The following HCLS1 variants were observed in gnomAD, a reference collection of about 807,000 sequenced individuals.
The protein encoded by HCLS1 is hematopoietic lineage cell-specific protein.
In HCLS1, 44 loss-of-function variants were observed where a neutral mutation model predicts 68.6. That is an observed-to-expected ratio of 0.64 (90% confidence interval 0.50 to 0.82). The LOEUF (loss-of-function observed/expected upper bound fraction) is 0.82. Ranked by LOEUF, HCLS1 falls within the 40% of genes least tolerant of loss-of-function variation. HCLS1 has a pLI of 0.00. For synonymous variants in HCLS1, 217 were observed against 225.8 expected, an observed-to-expected ratio of 0.96 and a Z score of 0.35; for missense variants, 602 against 612.1, an observed-to-expected ratio of 0.98 and a Z score of 0.17.
At chr3:121,646,303 A>G (rs1576465672) in intron 4 of HCLS1, among the ~76,000 whole-genome samples, 1 of 106,894 alleles carries the variant, frequency 9.4e-6, no homozygotes, top group African/African-American at 3.9e-5. Context: ...TATATTTTAT[A>G]TACTTATATA....
chr3:121,640,843 AGGG>A (rs2049191580), intron 6 of HCLS1, among the ~76,000 whole-genome samples: 1 of 52,350 alleles, frequency 1.9e-5, no homozygotes, highest in East Asian at 1.1e-3. Context: ...ACGGGAGGGC[AGGG>A]CAGGGCAGGG....
At chr3:121,644,217 TA>T (rs2049225184) in intron 5 of HCLS1, 1 of 178,784 alleles carries the variant, frequency 5.6e-6, no homozygotes, top group Non-Finnish European at 1.2e-5. Context: ...GGCGTGGAAC[TA>T]AAAACATCGA....
intron 1 of HCLS1, among the ~76,000 whole-genome samples, chr3:121,659,998 A>G (rs1042438749): frequency 6.6e-6 from 1 of 152,184 alleles, no homozygotes; most frequent in Admixed American, 6.5e-5. Context: ...AAGAAGTGCT[A>G]TCTAGAGGTG....
chr3:121,648,621 G>T (rs962888036), intron 3 of HCLS1, among the ~76,000 whole-genome samples: 18 of 152,218 alleles, frequency 1.2e-4, no homozygotes, highest in African/African-American at 4.3e-4. Context: ...AGACACATTG[G>T]TTATACGTAG....
At chr3:121,633,301 C>T (rs890722757) in intron 10 of HCLS1, 130 bp from the exon 11 acceptor site, 29 of 604,098 alleles carry the variant, frequency 4.8e-5, no homozygotes, top group African/African-American at 1.7e-4. Flanking sequence ...TTGCAACCTC[C>T]GCCTCCCAGG....
At chr3:121,652,775 C>G (rs1937777394) in intron 3 of HCLS1, among the ~76,000 whole-genome samples, 1 of 152,160 alleles carries the variant, frequency 6.6e-6, no homozygotes, top group South Asian at 2.1e-4. Context: ...ATTATTAAGG[C>G]CAACTTATCA....
chr3:121,658,636 C>G (rs1255410375), intron 1 of HCLS1, among the ~76,000 whole-genome samples: 1 of 152,142 alleles, frequency 6.6e-6, no homozygotes, highest in Non-Finnish European at 1.5e-5. Context: ...ACCCACGAGT[C>G]AAAATTGCTG....
At chr3:121,655,861 T>C (rs564435448) in intron 3 of HCLS1, among the ~76,000 whole-genome samples, 5 of 150,678 alleles carry the variant, frequency 3.3e-5, no homozygotes, top group South Asian at 4.2e-4. Context: ...TATTTATTTA[T>C]TTATTGAGAC....
intron 4 of HCLS1, among the ~76,000 whole-genome samples, chr3:121,646,449 A>G (rs1314037073): frequency 9.7e-6 from 1 of 102,878 alleles, no homozygotes; most frequent in East Asian, 3.1e-4. Context: ...AATGTAGATT[A>G]TATATTATAT....
intron 3 of HCLS1, among the ~76,000 whole-genome samples, chr3:121,652,810 T>A (rs1451225749): frequency 6.6e-6 from 1 of 152,210 alleles, no homozygotes; most frequent in Non-Finnish European, 1.5e-5. Context: ...GTAAACAGAA[T>A]AGCAAGCAGC....
intron 6 of HCLS1, among the ~76,000 whole-genome samples, chr3:121,639,429 CT>C (rs2049177864): frequency 6.6e-6 from 1 of 152,122 alleles, no homozygotes; most frequent in African/African-American, 2.4e-5. Flanking sequence ...GAAAATTTCC[CT>C]GATGCTCAGA....
rs189234521 is a variant in HCLS1, at chr3:121,635,357, G to T, written c.691+378C>A. Among the ~76,000 whole-genome samples the T allele has an allele frequency of 9.4e-5, 14 of 148,634 alleles. 1 individual carries two copies. Among genetic ancestry groups the T allele is most frequent in the South Asian group, 4.3e-4 (2 of 4,604 alleles). On this transcript the variant is annotated intron_variant, in intron 9 of 13. Coordinates refer to ENST00000314583, the MANE Select transcript of HCLS1 (RefSeq NM_005335.6). ...GAGTGGCATGATCTCAGCTCACTCCGACTTCCGCCTCCTGGGTTCAAGTGA... is the reference window on the plus strand; with the variant it reads ...GAGTGGCATGATCTCAGCTCACTCCTACTTCCGCCTCCTGGGTTCAAGTGA...
chr3:121,652,898 T>C (rs1238690224), intron 3 of HCLS1, among the ~76,000 whole-genome samples: 2 of 152,208 alleles, frequency 1.3e-5, no homozygotes, highest in African/African-American at 4.8e-5. Context: ...ATGACGATAT[T>C]ATGTTTATTA....
chr3:121,650,730 G>A (rs1001857550), intron 3 of HCLS1, among the ~76,000 whole-genome samples: 2 of 152,122 alleles, frequency 1.3e-5, no homozygotes, highest in African/African-American at 4.8e-5. Flanking sequence ...TCACAACTTT[G>A]GGGTAGGTAA....
At chr3:121,635,237 T>TTCTCTCTCTC (rs201290743) in intron 9 of HCLS1, among the ~76,000 whole-genome samples, 1,277 of 114,368 alleles carry the variant, frequency 0.011, 24 homozygotes, top group African/African-American at 0.03. Context: ...TCTCTCCCTT[T>TTCTCTCTCTC]TCTCTCTCTC....
At chr3:121,633,935 C>T (rs887156209) in intron 10 of HCLS1, among the ~76,000 whole-genome samples, 17 of 152,232 alleles carry the variant, frequency 1.1e-4, no homozygotes, top group Admixed American at 9.8e-4. Context: ...CCTGAAGTGA[C>T]GGCCCCTTCC....
chr3:121,638,784 G>C lies in HCLS1; in HGVS notation c.455-1528C>G, dbSNP rs182472338. On this transcript the variant is annotated intron_variant, in intron 6 of 13. Transcript: ENST00000314583. ...AGACAAAGTGCATTCTAAGAGACAA[G>C]AAAGACATGCTCCAATGATAAAAGA... 2.0e-5 allele frequency among the ~76,000 whole-genome samples: 3 copies of C among 152,292 alleles called. No homozygotes were observed. In the East Asian group the frequency reaches 5.8e-4, roughly 29 times the overall value.
Position 121,659,848 on chromosome 3 carries a change from G to A in HCLS1, c.-1+972C>T, listed in dbSNP as rs571403233. 5.9e-5 allele frequency among the ~76,000 whole-genome samples: 9 copies of A among 152,344 alleles called. No homozygotes were observed. In the South Asian group the frequency reaches 1.2e-3, roughly 21 times the overall value. ...GAGCAATAAGGAAGCAATGAGGACTGATGGTCCCATCCTCCTTCCTGTGGC... is the reference window on the plus strand; with the variant it reads ...GAGCAATAAGGAAGCAATGAGGACTAATGGTCCCATCCTCCTTCCTGTGGC... On this transcript the variant is annotated intron_variant, in intron 1 of 13. Transcript: ENST00000314583.
chr3:121,657,889 C>A, intron 2 of HCLS1: 1 of 220,870 alleles, frequency 4.5e-6, no homozygotes. Flanking sequence ...CGTTCCTCCT[C>A]TGCCTACTTC....
Sources: allele counts gnomAD v4.1 joint callset (sites outside exome capture counted in the v4.1 genomes callset), GRCh38; gene constraint gnomAD v4.1.1; transcripts MANE v1.5; gene names NCBI Gene and HGNC (gene_info 2026-07-23, HGNC 2026-07-21).